The following SUPT6H variants were observed in gnomAD, a reference collection of about 807,000 sequenced individuals.
SUPT6H encodes the protein transcription elongation factor SPT6.
In SUPT6H, 11 loss-of-function variants were observed where a neutral mutation model predicts 222.3. The observed-to-expected ratio is 0.05, with a 90% CI of 0.03 to 0.08. The LOEUF is 0.08. Ranked by LOEUF, SUPT6H falls within the 10% of genes least tolerant of loss-of-function variation. The probability of loss-of-function intolerance (pLI) is 1.00; values close to 1 mark genes in which losing one functional copy is unlikely to be tolerated. For missense variants in SUPT6H, 1,422 were observed against 2,216.0 expected, an observed-to-expected ratio of 0.64 and a Z score of 7.19; for synonymous variants, 762 against 801.2, an observed-to-expected ratio of 0.95 and a Z score of 0.83.
At chr17:28,695,702 T>G (rs1349162375) in intron 29 of SUPT6H, among the ~76,000 whole-genome samples, 155 bp downstream of exon 29, 1 of 152,198 alleles carries the variant, frequency 6.6e-6, no homozygotes, top group Non-Finnish European at 1.5e-5. Flanking sequence ...GAAAAAGTCA[T>G]AGGTAGGGCT....
At chr17:28,663,794 T>C (rs1193495377) in intron 1 of SUPT6H, among the ~76,000 whole-genome samples, 1 of 149,028 alleles carries the variant, frequency 6.7e-6, no homozygotes, top group African/African-American at 2.5e-5. Flanking sequence ...CACTCTTCAT[T>C]TTATACCAAT....
chr17:28,679,013 G>T (rs745584799), intron 11 of SUPT6H, 50 bp downstream of exon 11: 22 of 1,611,316 alleles, frequency 1.4e-5, no homozygotes, highest in Non-Finnish European at 1.8e-5. Context: ...AGACCCCAAG[G>T]CTGGCCCTGC....
At position 28,688,360 on chromosome 17, in the gene SUPT6H, G is replaced by T. The variant is rs2031494874; in HGVS notation, c.3134+142G>T. 9.3e-7 allele frequency: 1 copy of T among 1,074,200 alleles called. No individual in the cohort carries two copies. The highest frequency in any genetic ancestry group is 1.6e-5 in the African/African-American group (1 of 61,920). The allele number at this position is 1,074,200 out of a possible 1,614,324, so 66.5% of individuals were successfully genotyped here. A position where few individuals can be genotyped will look rare whatever the true frequency, so the allele number is the denominator to read the frequency against. ...AAGAAAAGGTAAGGAACTTTATTCA[G>T]TCAAGAGCCCCTGACCTATGGAAAA... is the stretch of plus-strand genomic sequence containing the variant. On this transcript the variant is annotated intron_variant, in intron 24 of 36. Transcript: ENST00000314616. This position sits in a 1 kb window ranked among gnomAD's most constrained non-coding sequence, Gnocchi z 4.3.
Position 28,686,640 on chromosome 17 carries a change from A to C in SUPT6H, c.2565-14A>C, listed in dbSNP as rs747891709. The stretch of plus-strand genomic sequence containing the variant: ...TAAGAAAACATATTCATTGACCAAC[A>C]CTCATCCCACCAGGGACGCCCAGAT... On this transcript the variant is annotated splice_polypyrimidine_tract_variant and intron_variant, in intron 20 of 36. Coordinates refer to ENST00000314616, the MANE Select transcript of SUPT6H (RefSeq NM_003170.5). 3 of 1,581,744 alleles carry C rather than the reference A, an allele frequency of 1.9e-6. No homozygotes were observed. Among genetic ancestry groups the C allele is most frequent in the Non-Finnish European group, 2.6e-6 (3 of 1,165,836 alleles).
At chr17:28,680,254 C>T (rs577587870) in intron 11 of SUPT6H, among the ~76,000 whole-genome samples, 7 of 151,960 alleles carry the variant, frequency 4.6e-5, no homozygotes, top group Non-Finnish European at 8.8e-5. Flanking sequence ...TGCAATGAGC[C>T]GAGATCGTGC....
chr17:28,678,016 TGTATG>T, intron 8 of SUPT6H, 55 bp from the exon 9 acceptor site: 4 of 1,539,780 alleles, frequency 2.6e-6, no homozygotes, highest in Non-Finnish European at 3.6e-6. Context: ...TAAGCAGTCT[TGTATG>T]GTAAGACAAA....
intron 32 of SUPT6H, among the ~76,000 whole-genome samples, chr17:28,698,232 C>T (rs112267619): frequency 1.1e-4 from 16 of 152,308 alleles, no homozygotes; most frequent in Admixed American, 4.6e-4. Context: ...ATAAGAAGGG[C>T]GCTTTCCTTA....
intron 12 of SUPT6H, 116 bp downstream of exon 12, chr17:28,681,520 G>C: frequency 7.6e-7 from 1 of 1,311,450 alleles, no homozygotes. Context: ...TCAGGAGTTC[G>C]AGACCAGCCT....
intron 21 of SUPT6H, 108 bp from the exon 22 acceptor site, chr17:28,686,980 G>C: frequency 6.6e-7 from 1 of 1,516,980 alleles, no homozygotes; most frequent in Non-Finnish European, 8.9e-7. Context: ...CAGGAAAAAA[G>C]ATCCCAGAGA....
Position 28,673,381 on chromosome 17 carries a change from G to A in SUPT6H, c.-21G>A, listed in dbSNP as rs1360694518. 1.3e-6 allele frequency: 2 copies of A among 1,584,958 alleles called. No individual in the cohort carries two copies. The highest frequency in any genetic ancestry group is 2.2e-5 in the East Asian group (1 of 44,694). On this transcript the variant is annotated 5_prime_UTR_variant, in exon 2 of 37. Transcript: ENST00000314616. The stretch of plus-strand genomic sequence containing the variant: ...CTTTTCTTTCCCTAGTTATCTTCAG[G>A]CAGAGTGAGAAGCTGCAGCAATGTC...
At chr17:28,680,414 A>C (rs1367910105) in intron 11 of SUPT6H, among the ~76,000 whole-genome samples, 2 of 152,050 alleles carry the variant, frequency 1.3e-5, no homozygotes, top group Non-Finnish European at 2.9e-5. Flanking sequence ...ACTGGCCAAC[A>C]TGGTGAAACC....
At chr17:28,701,333 G>A (rs1345493455) in intron 36 of SUPT6H, 106 bp from the exon 37 acceptor site, 1 of 1,462,722 alleles carries the variant, frequency 6.8e-7, no homozygotes, top group Non-Finnish European at 9.3e-7. Context: ...CCCAGTAGAG[G>A]GGCTGCTGCC....
At chr17:28,691,542 A>AT (rs891897686) in intron 27 of SUPT6H, 3 of 154,742 alleles carry the variant, frequency 1.9e-5, no homozygotes, top group African/African-American at 7.3e-5. Context: ...GGAAAAAAAA[A>AT]GGCTGACTTA....
At chr17:28,681,549 C>G (rs1194554549) in intron 12 of SUPT6H, 145 bp downstream of exon 12, 33 of 1,076,720 alleles carry the variant, frequency 3.1e-5, no homozygotes, top group Admixed American at 6.1e-5. Context: ...TGGCAAAACC[C>G]CATCTCTACT....
chr17:28,678,441 T>A (rs892350800), intron 9 of SUPT6H, 104 bp from the exon 10 acceptor site: 37 of 1,200,280 alleles, frequency 3.1e-5, no homozygotes, highest in Non-Finnish European at 4.5e-5. Context: ...TTCTGACTGT[T>A]GAATTTCCTG....
rs374644373 is a variant in SUPT6H, at chr17:28,691,362, C to G, written c.3633+299C>G. ...CCAAGATGGTGAACCCCCGTCTCTA[C>G]TAAAAATACAAAAATTAGCCAGTTG... On this transcript the variant is annotated intron_variant, in intron 27 of 36. Coordinates refer to ENST00000314616, the MANE Select transcript of SUPT6H (RefSeq NM_003170.5). 1.4e-3 allele frequency: 394 copies of G among 291,350 alleles called. 4 individuals are homozygous for G. The highest frequency in any genetic ancestry group is 7.2e-3 in the African/African-American group (338 of 47,032). 18.0% of individuals were successfully genotyped at this position (291,350 alleles called of 1,614,324 possible). A position where few individuals can be genotyped will look rare whatever the true frequency, so the allele number is the denominator to read the frequency against.
At chr17:28,671,994 T>A (rs1480168782) in intron 1 of SUPT6H, among the ~76,000 whole-genome samples, 1 of 152,218 alleles carries the variant, frequency 6.6e-6, no homozygotes, top group Non-Finnish European at 1.5e-5. Flanking sequence ...TTGTAGGACA[T>A]GGAAGCCTTT....
chr17:28,666,861 A>G (rs1054297284), intron 1 of SUPT6H, among the ~76,000 whole-genome samples: 4 of 152,170 alleles, frequency 2.6e-5, no homozygotes, highest in South Asian at 2.1e-4. Context: ...CCAGCCGAAT[A>G]AATAATATTT....
intron 1 of SUPT6H, among the ~76,000 whole-genome samples, chr17:28,671,781 G>T (rs943013999): frequency 6.6e-6 from 1 of 152,162 alleles, no homozygotes. Context: ...GAAACAATAG[G>T]TTCTTTCCCC....
Sources: allele counts gnomAD v4.1 joint callset (sites outside exome capture counted in the v4.1 genomes callset), GRCh38; gene constraint gnomAD v4.1.1; non-coding constraint Gnocchi (gnomAD v3.1); transcripts MANE v1.5; gene names NCBI Gene and HGNC (gene_info 2026-07-23, HGNC 2026-07-21).